The following ACSS3 variants were observed in gnomAD, a reference collection of about 807,000 sequenced individuals.
ACSS3 encodes acyl-CoA synthetase short-chain family member 3, mitochondrial.
A neutral mutation model predicts 84.2 loss-of-function variants in ACSS3; 64 were observed. The ratio of observed to expected loss-of-function variants is 0.76; its 90% CI spans 0.62 to 0.94. The LOEUF is 0.94. Among genes scored for constraint, ACSS3 ranks in the 40% least tolerant of loss-of-function variants. The probability of loss-of-function intolerance (pLI) is 0.00; values close to 1 mark genes in which losing one functional copy is unlikely to be tolerated. For missense variants in ACSS3, 815 were observed against 867.6 expected, an observed-to-expected ratio of 0.94 and a Z score of 0.76; for synonymous variants, 317 against 310.1, an observed-to-expected ratio of 1.02 and a Z score of -0.23.
intron 7 of ACSS3, among the ~76,000 whole-genome samples, chr12:81,164,629 G>A (rs1887315190): frequency 6.6e-6 from 1 of 152,010 alleles, no homozygotes; most frequent in African/African-American, 2.4e-5. Flanking sequence ...TCTCAATTCT[G>A]TATTTCCCTG....
At chr12:81,140,633 T>TGATCTTGAAGAAGAATTTTAAG (rs1285594652) in intron 4 of ACSS3, among the ~76,000 whole-genome samples, 7 of 152,220 alleles carry the variant, frequency 4.6e-5, no homozygotes, top group Non-Finnish European at 8.8e-5. Flanking sequence ...AATGTTCTTA[T>TGATCTTGAAGAAGAATTTTAAG]GATCTTGAAG....
intron 4 of ACSS3, among the ~76,000 whole-genome samples, chr12:81,142,821 T>C (rs1262153122): frequency 6.6e-6 from 1 of 152,250 alleles, no homozygotes; most frequent in East Asian, 1.9e-4. Context: ...TGAGTGTTGA[T>C]GGAAACATTA....
intron 2 of ACSS3, among the ~76,000 whole-genome samples, chr12:81,126,293 A>G (rs1885090861): frequency 6.6e-6 from 1 of 152,234 alleles, no homozygotes; most frequent in African/African-American, 2.4e-5. Context: ...TAATGTCTAT[A>G]GTGGAGAGAT....
chr12:81,177,748 T>C (rs565956845), intron 8 of ACSS3, among the ~76,000 whole-genome samples: 13 of 152,092 alleles, frequency 8.5e-5, no homozygotes, highest in Non-Finnish European at 1.6e-4. Flanking sequence ...GAAATGGAAA[T>C]CAAAACCACA....
chr12:81,127,797 G>A (rs967865775), intron 2 of ACSS3, among the ~76,000 whole-genome samples: 8 of 151,854 alleles, frequency 5.3e-5, no homozygotes, highest in South Asian at 2.1e-4. Context: ...ATCTTTTTTC[G>A]TACAAGCATG....
At chr12:81,087,417 G>A (rs1343609803) in intron 1 of ACSS3, among the ~76,000 whole-genome samples, 1 of 151,944 alleles carries the variant, frequency 6.6e-6, no homozygotes, top group Non-Finnish European at 1.5e-5. Context: ...AGAGCAGGAG[G>A]AGGAGGAAGG....
intron 2 of ACSS3, among the ~76,000 whole-genome samples, chr12:81,116,032 C>T (rs897285187): frequency 6.6e-6 from 1 of 152,002 alleles, no homozygotes; most frequent in Non-Finnish European, 1.5e-5. Flanking sequence ...TTTAAGTGGT[C>T]TGACCCAACC....
In ACSS3 at chr12:81,121,346, G is replaced by A. The variant is rs554370592; in HGVS notation, c.456+11642G>A. Among the ~76,000 whole-genome samples the A allele has an allele frequency of 2.0e-5, 3 of 152,132 alleles. No homozygotes were observed. In the East Asian group the frequency reaches 5.8e-4, roughly 29 times the overall value. On this transcript the variant is annotated intron_variant, in intron 2 of 15. Coordinates refer to ENST00000548058, the MANE Select transcript of ACSS3 (RefSeq NM_024560.4). The stretch of plus-strand genomic sequence containing the variant: ...CAGAATTGATCTAAACAATGCAGCA[G>A]GATTCCTGTTGACTTCTTTTGCATC...
chr12:81,169,617 TG>T (rs917291527), intron 7 of ACSS3, among the ~76,000 whole-genome samples: 1 of 152,192 alleles, frequency 6.6e-6, no homozygotes, highest in African/African-American at 2.4e-5. Flanking sequence ...TGTCTTTTAT[TG>T]TTTTTTAATA....
Position 81,119,794 on chromosome 12 carries a change from CAT to C in ACSS3, c.456+10091_456+10092del, listed in dbSNP as rs1159554634. 6.6e-5 allele frequency among the ~76,000 whole-genome samples: 10 copies of C among 152,250 alleles called. No homozygotes were observed. In the South Asian group the frequency reaches 1.0e-3, roughly 16 times the overall value. Reference sequence around the variant, plus strand: ...ACTGATTTCATATTGTTCAAGCACACATGTTTTACAATCAATTTGTACAGTTA... The same window carrying C: ...ACTGATTTCATATTGTTCAAGCACACGTTTTACAATCAATTTGTACAGTTA... On this transcript the variant is annotated intron_variant, in intron 2 of 15. Coordinates refer to ENST00000548058, the MANE Select transcript of ACSS3 (RefSeq NM_024560.4).
intron 7 of ACSS3, among the ~76,000 whole-genome samples, chr12:81,170,841 T>C (rs2029980213): frequency 6.6e-6 from 1 of 152,114 alleles, no homozygotes; most frequent in Non-Finnish European, 1.5e-5. Context: ...AGAGATTTTA[T>C]TGCTTATGTG....
intron 11 of ACSS3, among the ~76,000 whole-genome samples, chr12:81,223,086 G>A (rs2033162400): frequency 6.6e-6 from 1 of 151,950 alleles, no homozygotes. Flanking sequence ...CAGAGAACAG[G>A]GCATGAAAGA....
chr12:81,113,077 A>C, intron 2 of ACSS3, among the ~76,000 whole-genome samples: 1 of 152,164 alleles, frequency 6.6e-6, no homozygotes, highest in East Asian at 1.9e-4. Context: ...TTGTATGCCA[A>C]ACCCTGATAG....
At chr12:81,129,654 C>A (rs763715789) in intron 2 of ACSS3, among the ~76,000 whole-genome samples, 15 of 152,070 alleles carry the variant, frequency 9.9e-5, no homozygotes, top group Non-Finnish European at 2.9e-5. Context: ...ACTTTAAGTT[C>A]TAGGGTACAT....
At chr12:81,167,772 C>G (rs1231944784) in intron 7 of ACSS3, among the ~76,000 whole-genome samples, 1 of 152,178 alleles carries the variant, frequency 6.6e-6, no homozygotes, top group Non-Finnish European at 1.5e-5. Context: ...AGGCATGTTT[C>G]AGACCTTAGT....
intron 7 of ACSS3, among the ~76,000 whole-genome samples, chr12:81,172,637 A>G (rs542470080): frequency 6.6e-6 from 1 of 152,280 alleles, no homozygotes; most frequent in East Asian, 1.9e-4. Flanking sequence ...CACTGCCTCA[A>G]AAACCACCAA....
chr12:81,079,001 G>T (rs1482265386), intron 1 of ACSS3, among the ~76,000 whole-genome samples: 1 of 152,142 alleles, frequency 6.6e-6, no homozygotes, highest in Admixed American at 6.6e-5. Context: ...TGGAGAGGTG[G>T]GAGGGGAAGT....
At chr12:81,211,406 T>A (rs962712729) in intron 9 of ACSS3, among the ~76,000 whole-genome samples, 1 of 152,208 alleles carries the variant, frequency 6.6e-6, no homozygotes, top group Admixed American at 6.5e-5. Context: ...TTATAAGAAC[T>A]GCCAAATTCT....
chr12:81,222,751 G>A (rs1283625576), intron 11 of ACSS3, among the ~76,000 whole-genome samples: 9 of 151,928 alleles, frequency 5.9e-5, no homozygotes, highest in Non-Finnish European at 1.3e-4. Flanking sequence ...CCCTTGACTA[G>A]AAGTTGGCCA....
Sources: allele counts gnomAD v4.1 joint callset (sites outside exome capture counted in the v4.1 genomes callset), GRCh38; gene constraint gnomAD v4.1.1; transcripts MANE v1.5; gene names NCBI Gene and HGNC (gene_info 2026-07-23, HGNC 2026-07-21).